The following ABTB3 variants were observed in gnomAD, a reference collection of about 807,000 sequenced individuals.
ABTB3 encodes the protein ankyrin repeat and BTB domain containing 3, also known as ankyrin repeat- and BTB/POZ domain-containing protein 3.
At chr12:107,356,822 G>C in the ABTB3 span, among the ~76,000 whole-genome samples, 2 of 152,336 alleles carry the variant, frequency 1.3e-5, no homozygotes, top group Admixed American at 1.3e-4. Context: ...AGATCTGTCA[G>C]TGATCCCGCC....
At chr12:107,625,768 TG>T in the ABTB3 span, among the ~76,000 whole-genome samples, 1 of 150,438 alleles carries the variant, frequency 6.6e-6, no homozygotes, top group East Asian at 2.0e-4. Context: ...TGTCAGGGGG[TG>T]GGGGCAATAC....
the ABTB3 span, among the ~76,000 whole-genome samples, chr12:107,380,461 G>T: frequency 1.6e-4 from 24 of 152,276 alleles, no homozygotes; most frequent in Admixed American, 8.5e-4. Context: ...CTTGGTCAGG[G>T]AACAGGCTGA....
chr12:107,375,982 T>A, the ABTB3 span, among the ~76,000 whole-genome samples: 1 of 152,194 alleles, frequency 6.6e-6, no homozygotes, highest in Admixed American at 6.5e-5. Flanking sequence ...TATTTGTCAC[T>A]CTCCAGGCCC....
chr12:107,568,329 A>G, the ABTB3 span, among the ~76,000 whole-genome samples: 1 of 152,208 alleles, frequency 6.6e-6, no homozygotes, highest in Non-Finnish European at 1.5e-5. Flanking sequence ...CTATAAAATC[A>G]TGGTAAAGGT....
At chr12:107,452,367 C>T in the ABTB3 span, among the ~76,000 whole-genome samples, 1,213 of 152,116 alleles carry the variant, frequency 8.0e-3, 26 homozygotes, top group African/African-American at 0.028. Flanking sequence ...CCACCACGCC[C>T]GGCTAATTTT....
At chr12:107,571,929 C>T in the ABTB3 span, among the ~76,000 whole-genome samples, 1 of 152,166 alleles carries the variant, frequency 6.6e-6, no homozygotes, top group Non-Finnish European at 1.5e-5. Flanking sequence ...AGCCTTTGGT[C>T]GGCATCAGAA....
chr12:107,406,532 C>T, the ABTB3 span, among the ~76,000 whole-genome samples: 45 of 152,150 alleles, frequency 3.0e-4, 1 homozygote, highest in African/African-American at 1.1e-3. Flanking sequence ...GCCCAGGAAC[C>T]TCACCATGCA....
chr12:107,520,419 C>A, the ABTB3 span: 22 of 1,563,392 alleles, frequency 1.4e-5, no homozygotes, highest in Non-Finnish European at 1.9e-5. Flanking sequence ...ATGTTGCACC[C>A]TTCCCTCGGT....
the ABTB3 span, among the ~76,000 whole-genome samples, chr12:107,387,863 G>GAT: frequency 2.4e-3 from 372 of 152,036 alleles, 3 homozygotes; most frequent in African/African-American, 8.4e-3. Flanking sequence ...TTTTTCATGA[G>GAT]ATTGGTCCTT....
chr12:107,565,698 G>A, the ABTB3 span, among the ~76,000 whole-genome samples: 1 of 152,106 alleles, frequency 6.6e-6, no homozygotes, highest in South Asian at 2.1e-4. Context: ...CCCCTCGTTG[G>A]TAGTTGCTCT....
At chr12:107,610,226 TGCGGTGGCC>T in the ABTB3 span, 3 of 1,614,206 alleles carry the variant, frequency 1.9e-6, no homozygotes, top group Non-Finnish European at 2.5e-6. Context: ...GAAAGCTGGA[TGCGGTGGCC>T]ATCGAAGCCA....
At chr12:107,599,477 G>C in the ABTB3 span, among the ~76,000 whole-genome samples, 1 of 152,182 alleles carries the variant, frequency 6.6e-6, no homozygotes, top group African/African-American at 2.4e-5. Context: ...CCAGACAAGT[G>C]AAATCAGCAT....
At chr12:107,405,000 T>C in the ABTB3 span, among the ~76,000 whole-genome samples, 4 of 152,202 alleles carry the variant, frequency 2.6e-5, no homozygotes, top group Non-Finnish European at 4.4e-5. Context: ...CGGTGTGAGG[T>C]GGCAGATCCA....
At chr12:107,586,632 C>A in the ABTB3 span, among the ~76,000 whole-genome samples, 3 of 152,210 alleles carry the variant, frequency 2.0e-5, no homozygotes, top group Non-Finnish European at 4.4e-5. Context: ...GAGAAACTGC[C>A]CTCTCCCTGA....
chr12:107,406,659 G>C, the ABTB3 span, among the ~76,000 whole-genome samples: 3 of 152,220 alleles, frequency 2.0e-5, no homozygotes, highest in African/African-American at 7.2e-5. Context: ...CTCAGGTACT[G>C]TTGTAGGCTC....
chr12:107,494,817 CCT>C, the ABTB3 span, among the ~76,000 whole-genome samples: 23 of 152,294 alleles, frequency 1.5e-4, no homozygotes, highest in African/African-American at 5.1e-4. Context: ...TTCTCCCTCC[CCT>C]GTTTCCACAG....
chr12:107,413,229 G>GCGCC, the ABTB3 span, among the ~76,000 whole-genome samples: 1 of 151,806 alleles, frequency 6.6e-6, no homozygotes, highest in Non-Finnish European at 1.5e-5. Context: ...AGCCGAGATC[G>GCGCC]CGCCACTGCA....
chr12:107,345,925 A>G, the ABTB3 span, among the ~76,000 whole-genome samples: 1 of 152,244 alleles, frequency 6.6e-6, no homozygotes, highest in Non-Finnish European at 1.5e-5. Flanking sequence ...AAGTTTTACA[A>G]GACATTATCT....
chr12:107,493,170 G>T, the ABTB3 span, among the ~76,000 whole-genome samples: 2 of 152,152 alleles, frequency 1.3e-5, no homozygotes, highest in Admixed American at 1.3e-4. Flanking sequence ...GACCGAGGGA[G>T]CACTGGGGGG....
Sources: gnomAD v4.1 joint callset for allele counts (sites outside exome capture counted in the v4.1 genomes callset) on GRCh38, gnomAD v4.1.1 for gene constraint, MANE v1.5 for transcripts, NCBI Gene and HGNC (gene_info 2026-07-23, HGNC 2026-07-21) for gene names.